APBB2: variants seen among roughly 807,000 people sequenced by gnomAD.
APBB2 encodes Fe65-like 1.
APBB2 carries 38 observed loss-of-function variants against 82.5 expected under a neutral mutation model. The ratio of observed to expected loss-of-function variants is 0.46; its 90% CI spans 0.36 to 0.60. APBB2 has a LOEUF of 0.60. APBB2 is among the 20% of genes least tolerant of loss of function. The probability of loss-of-function intolerance (pLI) is 0.00; values close to 1 mark genes in which losing one functional copy is unlikely to be tolerated. For synonymous variants in APBB2, 341 were observed against 368.2 expected, an observed-to-expected ratio of 0.93 and a Z score of 0.85; for missense variants, 772 against 972.3, an observed-to-expected ratio of 0.79 and a Z score of 2.74.
At chr4:40,894,183 G>A (rs1470567665) in intron 10 of APBB2, among the ~76,000 whole-genome samples, 3 of 151,558 alleles carry the variant, frequency 2.0e-5, no homozygotes, top group Non-Finnish European at 4.4e-5. Context: ...GGCTACTCAG[G>A]AGGCTGAAGC....
intron 1 of APBB2, among the ~76,000 whole-genome samples, chr4:41,190,182 C>A (rs1002061328): frequency 1.4e-5 from 2 of 147,454 alleles, no homozygotes; most frequent in African/African-American, 5.1e-5. Flanking sequence ...AGTATTATTT[C>A]ATTGTAGTAT....
chr4:40,876,618 T>C (rs1578141027), intron 12 of APBB2, among the ~76,000 whole-genome samples: 1 of 152,230 alleles, frequency 6.6e-6, no homozygotes, highest in African/African-American at 2.4e-5. Context: ...TATTTGCATA[T>C]AACCTATGCA....
intron 4 of APBB2, among the ~76,000 whole-genome samples, chr4:41,034,833 A>C (rs935316018): frequency 1.3e-5 from 2 of 152,272 alleles, no homozygotes; most frequent in Non-Finnish European, 2.9e-5. Flanking sequence ...CAGTTTAACA[A>C]AATAATACAT....
At chr4:41,137,502 C>T (rs1204664923) in intron 2 of APBB2, among the ~76,000 whole-genome samples, 2 of 152,278 alleles carry the variant, frequency 1.3e-5, no homozygotes, top group East Asian at 3.9e-4. Context: ...AATACTAGTA[C>T]TCTAACACAG....
intron 5 of APBB2, among the ~76,000 whole-genome samples, chr4:41,032,858 C>A (rs1312358657): frequency 7.7e-6 from 1 of 129,566 alleles, no homozygotes. Flanking sequence ...GATCTCGACT[C>A]ACTGCAAGCT....
At chr4:41,104,755 G>A (rs1746593717) in intron 2 of APBB2, among the ~76,000 whole-genome samples, 1 of 152,134 alleles carries the variant, frequency 6.6e-6, no homozygotes, top group African/African-American at 2.4e-5. Flanking sequence ...TGTGGTATTT[G>A]GTTTTCTGTT....
At chr4:41,152,101 C>A (rs1465825549) in intron 1 of APBB2, among the ~76,000 whole-genome samples, 1 of 151,916 alleles carries the variant, frequency 6.6e-6, no homozygotes, top group Non-Finnish European at 1.5e-5. Context: ...TCTAGTTCAC[C>A]TATTTCTAAT....
intron 10 of APBB2, among the ~76,000 whole-genome samples, chr4:40,897,577 G>C (rs1390185119): frequency 6.6e-6 from 1 of 152,078 alleles, no homozygotes; most frequent in Non-Finnish European, 1.5e-5. Context: ...TATTACTATA[G>C]TGAGTTTATT....
chr4:40,846,013 G>GGGGT (rs1160420634), intron 12 of APBB2, among the ~76,000 whole-genome samples: 49 of 70,142 alleles, frequency 7.0e-4, no homozygotes, highest in African/African-American at 2.5e-3. Context: ...GGGTGTGAGT[G>GGGGT]GGGTGTGTGT....
chr4:40,994,908 A>G (rs1362335080), intron 6 of APBB2, among the ~76,000 whole-genome samples: 1 of 151,852 alleles, frequency 6.6e-6, no homozygotes, highest in African/African-American at 2.4e-5. Context: ...TAAAGAAGGA[A>G]AATATTACTG....
intron 13 of APBB2, among the ~76,000 whole-genome samples, chr4:40,828,581 C>CT (rs60249672): frequency 6.6e-5 from 10 of 150,546 alleles, no homozygotes; most frequent in East Asian, 1.9e-4. Context: ...AGGGCAAGGA[C>CT]TTTTTTTTTT....
chr4:40,868,677 G>A (rs1485015467), intron 12 of APBB2, among the ~76,000 whole-genome samples: 1 of 152,192 alleles, frequency 6.6e-6, no homozygotes, highest in Non-Finnish European at 1.5e-5. Context: ...GACTAAATCA[G>A]TAATTCCAAA....
chr4:40,923,913 C>T (rs922210129), intron 10 of APBB2, among the ~76,000 whole-genome samples: 4 of 152,186 alleles, frequency 2.6e-5, no homozygotes, highest in Middle Eastern at 3.2e-3. Context: ...TATGCTTGGC[C>T]GAGTTGGCAA....
chr4:41,208,282 GAC>G (rs1778454478), intron 1 of APBB2, among the ~76,000 whole-genome samples: 1 of 151,810 alleles, frequency 6.6e-6, no homozygotes, highest in Admixed American at 6.6e-5. Context: ...TTTTTTTTGA[GAC>G]AGAGTCTCGC....
chr4:41,079,618 G>A (rs895976741), intron 3 of APBB2, among the ~76,000 whole-genome samples: 77 of 149,468 alleles, frequency 5.2e-4, no homozygotes, highest in African/African-American at 1.7e-3. Context: ...GCACAATCTC[G>A]GCTCACTGCA....
chr4:41,057,040 TC>T (rs1728081869), intron 4 of APBB2, among the ~76,000 whole-genome samples: 1 of 152,162 alleles, frequency 6.6e-6, no homozygotes, highest in African/African-American at 2.4e-5. Context: ...AATTGGACAC[TC>T]CTAGGGAGGA....
chr4:40,818,284 T>C (rs563697503), intron 17 of APBB2, among the ~76,000 whole-genome samples: 4 of 152,290 alleles, frequency 2.6e-5, no homozygotes, highest in East Asian at 1.9e-4. Context: ...GTATGCCTTA[T>C]ACTAGATTGG....
chr4:40,997,616 C>A (rs1803986642), intron 6 of APBB2, among the ~76,000 whole-genome samples: 1 of 152,180 alleles, frequency 6.6e-6, no homozygotes, highest in Admixed American at 6.5e-5. Flanking sequence ...CCAAAGGGAA[C>A]TTCGAGGAGT....
intron 1 of APBB2, among the ~76,000 whole-genome samples, chr4:41,174,747 G>A (rs1487653481): frequency 6.6e-6 from 1 of 152,092 alleles, no homozygotes; most frequent in African/African-American, 2.4e-5. Context: ...AGAACTACGT[G>A]ACCACATATG....
Sources: allele counts gnomAD v4.1 joint callset (sites outside exome capture counted in the v4.1 genomes callset), GRCh38; gene constraint gnomAD v4.1.1; transcripts MANE v1.5; gene names NCBI Gene and HGNC (gene_info 2026-07-23, HGNC 2026-07-21).